Variants in XXYLT1 observed in about 807,000 individuals in gnomAD.
XXYLT1 encodes xyloside xylosyltransferase 1, also known as UDP-xylose:alpha-xyloside alpha-1,3-xylosyltransferase.
A neutral mutation model predicts 28.9 loss-of-function variants in XXYLT1; 20 were observed. The ratio of observed to expected loss-of-function variants is 0.69; its 90% CI spans 0.49 to 1.00. XXYLT1 has a LOEUF of 1.00. Ranked by LOEUF, XXYLT1 falls within the 50% of genes least tolerant of loss-of-function variation. The pLI is 0.00. For synonymous variants in XXYLT1, 257 were observed against 253.8 expected (o/e 1.01, Z -0.12); for missense variants, 542 against 560.1 (o/e 0.97, Z 0.33).
chr3:195,199,265 T>C (rs1013376452), intron 2 of XXYLT1, among the ~76,000 whole-genome samples: 1 of 152,176 alleles, frequency 6.6e-6, no homozygotes, highest in Non-Finnish European at 1.5e-5. Context: ...AAAGAGGAAC[T>C]ATCCAAAGCT....
chr3:195,222,276 G>A (rs542470104), intron 2 of XXYLT1, among the ~76,000 whole-genome samples: 6 of 152,310 alleles, frequency 3.9e-5, no homozygotes, highest in South Asian at 2.1e-4. Context: ...TGGAGAACTC[G>A]GAGAAGCGGC....
rs1334939666 is a variant in XXYLT1 at position 195,180,002 on chromosome 3, A to T, written c.653-23421T>A. Among the ~76,000 whole-genome samples, 4 of 151,992 alleles carry T rather than the reference A, an allele frequency of 2.6e-5. No homozygotes were observed. The highest frequency in any genetic ancestry group is 2.1e-4 in the South Asian group (1 of 4,796). ...CAACACAGGCAGGCTCCAGGCCGGG[A>T]CTCCACACTGCAGGCAGAGTCGGGC... On this transcript the variant is annotated intron_variant, in intron 2 of 3. Transcript: ENST00000310380. The surrounding 1 kb of genome is among the most constrained non-coding windows in gnomAD (Gnocchi z 5.8).
chr3:195,214,081 C>G (rs1204799747), intron 2 of XXYLT1, among the ~76,000 whole-genome samples: 1 of 152,176 alleles, frequency 6.6e-6, no homozygotes, highest in African/African-American at 2.4e-5. Context: ...GGCTTAGGCT[C>G]AAAGTCTGAG....
intron 3 of XXYLT1, chr3:195,096,054 A>C (rs1461245943): frequency 6.6e-6 from 1 of 152,170 alleles, no homozygotes. Context: ...AAGAGGAGAA[A>C]TAAGGTTGAT....
intron 2 of XXYLT1, among the ~76,000 whole-genome samples, chr3:195,226,139 G>A (rs1423185858): frequency 6.6e-6 from 1 of 152,112 alleles, no homozygotes; most frequent in Non-Finnish European, 1.5e-5. Context: ...AGCATGACCA[G>A]ACCTGCCAGA....
intron 2 of XXYLT1, among the ~76,000 whole-genome samples, chr3:195,169,658 C>G (rs1483895157): frequency 1.3e-5 from 2 of 152,190 alleles, no homozygotes; most frequent in African/African-American, 4.8e-5. Flanking sequence ...ATAGCCCCCC[C>G]CATAAGTAAA....
chr3:195,125,556 A>G (rs114621069), intron 3 of XXYLT1, among the ~76,000 whole-genome samples: 2,317 of 152,326 alleles, frequency 0.015, 58 homozygotes, highest in African/African-American at 0.053. Context: ...AAGGGCTGTG[A>G]CATCTGCCCT....
intron 3 of XXYLT1, among the ~76,000 whole-genome samples, chr3:195,074,828 C>T (rs369605371): frequency 2.6e-5 from 4 of 152,308 alleles, no homozygotes; most frequent in South Asian, 2.1e-4. Context: ...AGGACCACCA[C>T]GGAGCTCTAA....
intron 2 of XXYLT1, among the ~76,000 whole-genome samples, chr3:195,225,442 A>G: frequency 6.6e-6 from 1 of 152,110 alleles, no homozygotes; most frequent in Admixed American, 6.5e-5. Flanking sequence ...CTGGTTCACC[A>G]AGCACCTTCT....
chr3:195,214,867 C>G (rs1217868507), intron 2 of XXYLT1: 1 of 152,152 alleles, frequency 6.6e-6, no homozygotes, highest in Non-Finnish European at 1.5e-5. Context: ...GGATGACATG[C>G]AAATTCGTGA....
At chr3:195,106,195 A>G (rs768649602) in intron 3 of XXYLT1, among the ~76,000 whole-genome samples, 4 of 152,184 alleles carry the variant, frequency 2.6e-5, no homozygotes, top group Admixed American at 6.5e-5. Context: ...AGCTCAATAC[A>G]CTGCCATTCT....
intron 3 of XXYLT1, among the ~76,000 whole-genome samples, chr3:195,073,917 C>G (rs1458311630): frequency 6.6e-6 from 1 of 152,178 alleles, no homozygotes. Flanking sequence ...TCAAGTCTTT[C>G]CCTGATGATC....
In XXYLT1 at chr3:195,257,954, A is replaced by C. The variant is rs1375203482; in HGVS notation, c.504+12601T>G. The stretch of plus-strand genomic sequence containing the variant: ...AGCCCCGGCACACCCACAATCCTCG[A>C]CCCTGTGTCTTCCTACCCCCTAGAC... On this transcript the variant is annotated intron_variant, in intron 1 of 3. Transcript: ENST00000310380. The surrounding 1 kb of genome is among the most constrained non-coding windows in gnomAD (Gnocchi z 4.3). Among the ~76,000 whole-genome samples the C allele has an allele frequency of 6.6e-6, 1 of 151,852 alleles. No homozygotes were observed.
intron 1 of XXYLT1, among the ~76,000 whole-genome samples, chr3:195,266,962 A>C (rs1231634777): frequency 6.6e-6 from 1 of 152,264 alleles, no homozygotes; most frequent in Admixed American, 6.5e-5. Flanking sequence ...TTAACAAATA[A>C]TATGCTTCCC....
At chr3:195,178,446 G>A (rs1370537604) in intron 2 of XXYLT1, among the ~76,000 whole-genome samples, 1 of 152,146 alleles carries the variant, frequency 6.6e-6, no homozygotes, top group Non-Finnish European at 1.5e-5. Flanking sequence ...AATTCTGGGT[G>A]GAGACCATCC....
At chr3:195,234,961 C>T (rs1380251154) in intron 1 of XXYLT1, among the ~76,000 whole-genome samples, 1 of 151,600 alleles carries the variant, frequency 6.6e-6, no homozygotes, top group Non-Finnish European at 1.5e-5. Context: ...TGCTGTCTCT[C>T]TCTCTACCTC....
chr3:195,179,519 C>T (rs1721844327), intron 2 of XXYLT1, among the ~76,000 whole-genome samples: 1 of 152,078 alleles, frequency 6.6e-6, no homozygotes, highest in African/African-American at 2.4e-5. Flanking sequence ...CAGTCACGTC[C>T]TATTTACACT....
chr3:195,169,322 G>T (rs892025915), intron 2 of XXYLT1, among the ~76,000 whole-genome samples: 4 of 152,338 alleles, frequency 2.6e-5, no homozygotes, highest in African/African-American at 9.6e-5. Flanking sequence ...AGGCTGAAAC[G>T]GCAGGGCCTC....
intron 2 of XXYLT1, among the ~76,000 whole-genome samples, chr3:195,200,558 T>TC (rs1263107059): frequency 1.3e-5 from 2 of 152,120 alleles, no homozygotes; most frequent in East Asian, 3.9e-4. Context: ...CCAACTTGGC[T>TC]CCTCCCAGGC....
Sources: gnomAD v4.1 joint callset for allele counts (sites outside exome capture counted in the v4.1 genomes callset) on GRCh38, gnomAD v4.1.1 for gene constraint, Gnocchi (gnomAD v3.1) non-coding constraint, MANE v1.5 for transcripts, NCBI Gene and HGNC (gene_info 2026-07-23, HGNC 2026-07-21) for gene names.